HHIPL1: variants seen among roughly 807,000 people sequenced by gnomAD.
The protein encoded by HHIPL1 is HHIP like 1, also known as HHIP-like protein 1.
In HHIPL1, 43 loss-of-function variants were observed where a neutral mutation model predicts 61.8. That is an observed-to-expected ratio of 0.70 (90% confidence interval 0.55 to 0.90). HHIPL1 has a LOEUF of 0.90. HHIPL1 is among the 40% of genes least tolerant of loss of function. The probability of loss-of-function intolerance (pLI) is 0.00; values close to 1 mark genes in which losing one functional copy is unlikely to be tolerated. For synonymous variants in HHIPL1, 482 were observed against 515.8 expected, an observed-to-expected ratio of 0.93 and a Z score of 0.89; for missense variants, 1,056 against 1,157.7, an observed-to-expected ratio of 0.91 and a Z score of 1.28.
chr14:99,639,595 C>T, the HHIPL1 span, among the ~76,000 whole-genome samples: 2,045 of 152,280 alleles, frequency 0.013, 54 homozygotes, highest in African/African-American at 0.047. Flanking sequence ...AATCTGCCTG[C>T]CTCAGCCTCC....
In HHIPL1 at chr14:99,668,980, A is replaced by G; in HGVS notation, c.1730+677A>G. 6.4e-7 allele frequency: 1 copy of G among 1,571,264 alleles called. No individual in the cohort carries two copies. The highest frequency in any genetic ancestry group is 1.1e-5 in the South Asian group (1 of 88,240). On this transcript the variant is annotated intron_variant, in intron 7 of 8. Coordinates refer to ENST00000330710, the MANE Select transcript of HHIPL1 (RefSeq NM_001127258.3). The surrounding 1 kb of genome is among the most constrained non-coding windows in gnomAD (Gnocchi z 4.7). ...GGGGCCCAGGGCCAGGGTGGGGCCC[A>G]GGCCACTGGCTCCAGAGCCCTGCCC...
chr14:99,622,857 G>A, the HHIPL1 span, among the ~76,000 whole-genome samples: 3 of 152,262 alleles, frequency 2.0e-5, no homozygotes, highest in Admixed American at 2.0e-4. Context: ...GGGTGCTAGT[G>A]AGGATCACAG....
chr14:99,637,248 GAA>G, the HHIPL1 span, among the ~76,000 whole-genome samples: 2 of 146,644 alleles, frequency 1.4e-5, no homozygotes, highest in African/African-American at 2.6e-5. Context: ...AAGAAAGAAA[GAA>G]AGAAAGAAAG....
chr14:99,664,367 CT>C (rs2056207054), intron 6 of HHIPL1, among the ~76,000 whole-genome samples: 1 of 152,204 alleles, frequency 6.6e-6, no homozygotes, highest in African/African-American at 2.4e-5. Context: ...CTTGAAAGCC[CT>C]TTCTTTTGGT....
chr14:99,605,462 G>C, the HHIPL1 span, among the ~76,000 whole-genome samples: 2 of 152,162 alleles, frequency 1.3e-5, no homozygotes, highest in East Asian at 3.9e-4. Flanking sequence ...CCACGGCCTG[G>C]AGCGCGCGCC....
intron 8 of HHIPL1, among the ~76,000 whole-genome samples, chr14:99,672,821 G>A (rs2056339700): frequency 6.6e-6 from 1 of 152,222 alleles, no homozygotes; most frequent in African/African-American, 2.4e-5. Flanking sequence ...ACTGCCCATG[G>A]GGCCTGGGAC....
intron 6 of HHIPL1, among the ~76,000 whole-genome samples, chr14:99,665,445 C>T (rs2056228272): frequency 6.6e-6 from 1 of 152,152 alleles, no homozygotes; most frequent in African/African-American, 2.4e-5. Flanking sequence ...ATCACCTCTT[C>T]CTTTTTTATT....
chr14:99,671,293 C>CT (rs1390342297), intron 7 of HHIPL1, among the ~76,000 whole-genome samples: 4 of 152,220 alleles, frequency 2.6e-5, no homozygotes, highest in Non-Finnish European at 5.9e-5. Context: ...ATAACAAAGA[C>CT]TTTTAATGCA....
At chr14:99,637,095 GGAAGGA>G in the HHIPL1 span, among the ~76,000 whole-genome samples, 3 of 61,964 alleles carry the variant, frequency 4.8e-5, no homozygotes, top group African/African-American at 1.4e-4. Flanking sequence ...AAAGAAAGAA[GGAAGGA>G]AAAAAGAAAG....
chr14:99,653,375 G>A lies in HHIPL1; in HGVS notation c.902+505G>A, dbSNP rs550770095. Among the ~76,000 whole-genome samples the A allele has an allele frequency of 2.4e-3, 361 of 150,216 alleles. 1 individual carries two copies. Among genetic ancestry groups the A allele is most frequent in the Non-Finnish European group, 4.7e-3 (313 of 67,280 alleles). On this transcript the variant is annotated intron_variant, in intron 2 of 8. Transcript: ENST00000330710. The stretch of plus-strand genomic sequence containing the variant: ...TGAGATGGAGTCTCACTCTGTTGCC[G>A]AGGCTGGAGTGCAGTGGCACAATCG...
chr14:99,631,558 C>T, the HHIPL1 span, among the ~76,000 whole-genome samples: 1 of 152,088 alleles, frequency 6.6e-6, no homozygotes, highest in Non-Finnish European at 1.5e-5. Context: ...GGTACACACA[C>T]GTGGGGTTGG....
At position 99,652,122 on chromosome 14, in the gene HHIPL1, A is replaced by C. The variant is rs2055940584; in HGVS notation, c.256-102A>C. The stretch of plus-strand genomic sequence containing the variant: ...AGATGGCGTTGTCTCCATTTTATGG[A>C]TCAGCAGACTGAGGCTCTGAGAGAT... On this transcript the variant is annotated intron_variant, in intron 1 of 8. Transcript: ENST00000330710. The C allele has an allele frequency of 3.7e-6, 4 of 1,089,136 alleles. No homozygotes were observed. The Admixed American group carries it at 9.5e-5, about 26-fold the overall frequency. The allele number at this position is 1,089,136 out of a possible 1,614,324, so 67.5% of individuals were successfully genotyped here. A position where few individuals can be genotyped will look rare whatever the true frequency, so the allele number is the denominator to read the frequency against.
the HHIPL1 span, among the ~76,000 whole-genome samples, chr14:99,623,699 C>G: frequency 1.2e-4 from 18 of 152,280 alleles, no homozygotes; most frequent in Non-Finnish European, 4.4e-5. Flanking sequence ...CAGGTGTGAA[C>G]CACCACACCT....
intron 1 of HHIPL1, among the ~76,000 whole-genome samples, chr14:99,646,847 AATATAATATAATATG>A (rs1566804874): frequency 1.2e-4 from 16 of 138,870 alleles, no homozygotes; most frequent in Non-Finnish European, 2.0e-4. Flanking sequence ...AATATAATAT[AATATAATATAATATG>A]ATATAATATG....
Position 99,652,479 on chromosome 14 carries a change from C to G in HHIPL1, c.511C>G (p.Leu171Val). The change falls in exon 2 of 9, where the codon CTG (leucine) becomes GTG (valine). Residue 171 changes from leucine to valine, a missense_variant. Coordinates refer to ENST00000330710, the MANE Select transcript of HHIPL1 (RefSeq NM_001127258.3). ...LLVNKNLNSNLGHVVADAKGC... is the reference protein window; with the variant it reads ...LLVNKNLNSNVGHVVADAKGC... ...GGTCAACAAGAACCTCAACTCAAAC[C>G]TGGGCCACGTGGTAGCCGATGCCAA... 1 of 1,614,070 alleles carries G rather than the reference C, an allele frequency of 6.2e-7. No homozygotes were observed. The highest frequency in any genetic ancestry group is 8.5e-7 in the Non-Finnish European group (1 of 1,180,044).
At chr14:99,636,989 GAAGAAAGAAAGAAGA>G in the HHIPL1 span, among the ~76,000 whole-genome samples, 104 of 86,198 alleles carry the variant, frequency 1.2e-3, no homozygotes, top group Non-Finnish European at 1.6e-3. Context: ...AGGAAAGAAA[GAAGAAAGAAAGAAGA>G]AAGAAAGAAA....
At chr14:99,638,287 C>T in the HHIPL1 span, among the ~76,000 whole-genome samples, 2 of 152,166 alleles carry the variant, frequency 1.3e-5, no homozygotes, top group Admixed American at 6.5e-5. Context: ...CTGGGCCCTG[C>T]GGAGAACAGA....
chr14:99,619,445 G>T, the HHIPL1 span, among the ~76,000 whole-genome samples: 996 of 146,906 alleles, frequency 6.8e-3, 9 homozygotes, highest in African/African-American at 0.024. Context: ...CGGGGTGACA[G>T]TGCAAGACTC....
At chr14:99,659,085 C>T (rs1183559929) in intron 3 of HHIPL1, among the ~76,000 whole-genome samples, 1 of 152,192 alleles carries the variant, frequency 6.6e-6, no homozygotes, top group African/African-American at 2.4e-5. Flanking sequence ...GTTATTTGAG[C>T]TTTCTGAGCT....
Sources: allele counts gnomAD v4.1 joint callset (sites outside exome capture counted in the v4.1 genomes callset), GRCh38; gene constraint gnomAD v4.1.1; non-coding constraint Gnocchi (gnomAD v3.1); transcripts MANE v1.5; gene names NCBI Gene and HGNC (gene_info 2026-07-23, HGNC 2026-07-21).